Variants in CARD10 observed in about 807,000 individuals in gnomAD.
CARD10 encodes caspase recruitment domain family member 10.
In CARD10, 49 loss-of-function variants were observed where a neutral mutation model predicts 114.6. The observed-to-expected ratio is 0.43, with a 90% CI of 0.34 to 0.54. The LOEUF is 0.54. CARD10 is among the 20% of genes least tolerant of loss of function. CARD10 has a pLI of 0.03. For synonymous variants in CARD10, 602 were observed against 593.2 expected, an observed-to-expected ratio of 1.01 and a Z score of -0.21; for missense variants, 1,206 against 1,397.2, an observed-to-expected ratio of 0.86 and a Z score of 2.18.
In CARD10 at chr22:37,495,861, C is replaced by A. The variant is rs773862910; in HGVS notation, c.2202G>T (p.Leu734=). 1.9e-6 allele frequency: 3 copies of A among 1,614,150 alleles called. No homozygotes were observed. The highest frequency in any genetic ancestry group is 2.2e-5 in the South Asian group (2 of 91,086). Residue 734 remains leucine, a synonymous_variant, in exon 14 of 20, where the codon CTG becomes CTT. Transcript: ENST00000251973. ...GCCTCCGCTTGTATGCCGAGTCCAC[C>A]AGTCGAAGGATCTCTTGGGCTTTCA... ...LCVKAQEILR[L]VDSAYKRRQE...
At position 37,491,375 on chromosome 22, in the gene CARD10, C is replaced by A; in HGVS notation, c.2883G>T (p.Pro961=). The A allele has an allele frequency of 6.7e-7, 1 of 1,502,670 alleles. No homozygotes were observed. Among genetic ancestry groups the A allele is most frequent in the East Asian group, 2.4e-5 (1 of 41,094 alleles). The allele number at this position is 1,502,670 out of a possible 1,614,324, so 93.1% of individuals were successfully genotyped here. The change falls in exon 20 of 20, where the codon CCG becomes CCT. Residue 961 remains proline, a synonymous_variant. Transcript: ENST00000251973. ...VREVRGLLGR[P]GWRDSELLRQ... is the part of the protein sequence containing the mutation. ...GCAGCAGCTCTGAGTCCCGCCAGCC[C>A]GGCCGGCCCAGCAGACCCCTGCCGA... is the stretch of plus-strand genomic sequence containing the variant.
intron 10 of CARD10, among the ~76,000 whole-genome samples, chr22:37,502,948 G>C (rs953751217): frequency 4.6e-5 from 7 of 152,230 alleles, no homozygotes; most frequent in African/African-American, 1.7e-4. Context: ...GAAGAGCCTC[G>C]TACATCACAG....
At chr22:37,491,893 G>A (rs1362472401) in intron 18 of CARD10, 26 bp from the exon 19 acceptor site, 2 of 1,496,892 alleles carry the variant, frequency 1.3e-6, no homozygotes, top group Admixed American at 3.3e-5. Context: ...AGGCTACAAT[G>A]TACTCCTGGG....
chr22:37,495,289 G>C (rs899862301), intron 15 of CARD10, among the ~76,000 whole-genome samples: 1 of 152,168 alleles, frequency 6.6e-6, no homozygotes, highest in Admixed American at 6.5e-5. Context: ...TTATGTACCA[G>C]GGGTACTCCT....
intron 3 of CARD10, among the ~76,000 whole-genome samples, chr22:37,511,421 G>GGGGAGGAGGAA (rs796281103): frequency 0.11 from 13,914 of 126,046 alleles, 1,118 homozygotes; most frequent in African/African-American, 0.18. Context: ...GGGAGGAGGA[G>GGGGAGGAGGAA]GGAGGGGGAA....
At position 37,506,324 on chromosome 22, in the gene CARD10, G is replaced by A. The variant is rs763469820; in HGVS notation, c.1251C>T (p.Asp417=). ...LQYSQSLIEK[D]QYRKQVRGLE... is the part of the protein sequence containing the mutation. The stretch of plus-strand genomic sequence containing the variant: ...GGCCCCGCACCTGCTTGCGGTACTG[G>A]TCCTTCTCGATGAGGCTCTGTGAGT... Residue 417 remains aspartate, a synonymous_variant, in exon 7 of 20, where the codon GAC becomes GAT. Coordinates refer to ENST00000251973, the MANE Select transcript of CARD10 (RefSeq NM_014550.4). 4 of 1,609,254 alleles carry A rather than the reference G, an allele frequency of 2.5e-6. No individual in the cohort carries two copies. The Admixed American group carries it at 6.7e-5, about 27-fold the overall frequency.
At position 37,491,383 on chromosome 22, in the gene CARD10, C is replaced by A; in HGVS notation, c.2875G>T (p.Gly959Cys). 1 of 1,491,382 alleles carries A rather than the reference C, an allele frequency of 6.7e-7. No individual in the cohort carries two copies. Among genetic ancestry groups the A allele is most frequent in the Non-Finnish European group, 8.9e-7 (1 of 1,121,998 alleles). The allele number at this position is 1,491,382 out of a possible 1,614,324, so 92.4% of individuals were successfully genotyped here. The change falls in exon 20 of 20, where the codon GGC becomes TGC. Residue 959 changes from glycine to cysteine, a missense_variant. By Grantham distance (159) the Gly-to-Cys change is radical. Coordinates refer to ENST00000251973, the MANE Select transcript of CARD10 (RefSeq NM_014550.4). ...KNVREVRGLL[G>C]RPGWRDSELL... Reference sequence around the variant, plus strand: ...TCTGAGTCCCGCCAGCCCGGCCGGCCCAGCAGACCCCTGCCGAGAGAAGAG... The same window carrying A: ...TCTGAGTCCCGCCAGCCCGGCCGGCACAGCAGACCCCTGCCGAGAGAAGAG...
At chr22:37,504,370 G>T in intron 8 of CARD10, 69 bp from the exon 9 acceptor site, 12 of 1,196,094 alleles carry the variant, frequency 1.0e-5, no homozygotes, top group Non-Finnish European at 1.4e-5. Flanking sequence ...AGCACACCTG[G>T]TTTGTGCCCA....
intron 4 of CARD10, chr22:37,509,090 C>T (rs993333828): frequency 8.4e-6 from 13 of 1,545,028 alleles, no homozygotes; most frequent in Non-Finnish European, 1.1e-5. Context: ...TGAGCCTGGC[C>T]CATACAGGTA....
chr22:37,491,749 C>T lies in CARD10; in HGVS notation c.2864+6G>A. 7.7e-7 allele frequency: 1 copy of T among 1,297,470 alleles called. No individual in the cohort carries two copies. Among genetic ancestry groups the T allele is most frequent in the Non-Finnish European group, 1.1e-6 (1 of 900,600 alleles). 80.4% of individuals were successfully genotyped at this position (1,297,470 alleles called of 1,614,324 possible). ...CCCTGCCCACTGCCCCACCCACCCA[C>T]CTCACCTGACTTCCCGGACATTCTT... On this transcript the variant is annotated splice_donor_region_variant and intron_variant, in intron 19 of 19. Transcript: ENST00000251973.
At chr22:37,494,520 T>A (rs537744296) in intron 15 of CARD10, 4 of 367,102 alleles carry the variant, frequency 1.1e-5, no homozygotes, top group African/African-American at 6.3e-5. Flanking sequence ...AAATGTCACA[T>A]ACGAGGCAAA....
chr22:37,492,831 T>A lies in CARD10; in HGVS notation c.2477-29A>T. On this transcript the variant is annotated intron_variant, in intron 16 of 19. Transcript: ENST00000251973. This position sits in a 1 kb window ranked among gnomAD's most constrained non-coding sequence, Gnocchi z 5.7. ...TGGCAGGGGAGGGGCGCAAAAGAGA[T>A]AAGGGCACAGGCAGGCAGCATACCA... is the stretch of plus-strand genomic sequence containing the variant. The A allele has an allele frequency of 1.2e-6, 2 of 1,602,068 alleles. No homozygotes were observed. The highest frequency in any genetic ancestry group is 1.7e-6 in the Non-Finnish European group (2 of 1,177,188).
At chr22:37,516,342 T>C in intron 2 of CARD10, 44 bp from the exon 3 acceptor site, 1 of 1,410,192 alleles carries the variant, frequency 7.1e-7, no homozygotes, top group Non-Finnish European at 9.5e-7. Flanking sequence ...CTCAGGCAAG[T>C]AAAATCCAGG....
chr22:37,513,506 T>C (rs1923732056), intron 3 of CARD10, among the ~76,000 whole-genome samples: 1 of 152,054 alleles, frequency 6.6e-6, no homozygotes, highest in Admixed American at 6.6e-5. Flanking sequence ...ACCATCTCTT[T>C]TCCATCCCCC....
intron 3 of CARD10, among the ~76,000 whole-genome samples, chr22:37,511,312 C>T (rs1482111938): frequency 5.3e-5 from 7 of 132,096 alleles, no homozygotes; most frequent in Admixed American, 8.0e-5. Flanking sequence ...GAACCATAAT[C>T]GTGCCACTGC....
rs370585097 is a variant in CARD10 at position 37,497,189 on chromosome 22, A to T, written c.1788-11T>A. On this transcript the variant is annotated splice_polypyrimidine_tract_variant and intron_variant, in intron 11 of 19. Transcript: ENST00000251973. ...CGAATAGCCAGAGACCTGAGAAGGG[A>T]GAAAGGAGATGAGAATTGGAGTCCA... The T allele has an allele frequency of 1.2e-6, 2 of 1,606,594 alleles. No individual in the cohort carries two copies. Among genetic ancestry groups the T allele is most frequent in the Non-Finnish European group, 1.7e-6 (2 of 1,177,276 alleles).
chr22:37,511,643 G>A (rs998538488), intron 3 of CARD10, among the ~76,000 whole-genome samples: 28 of 101,794 alleles, frequency 2.8e-4, no homozygotes, highest in Admixed American at 5.9e-4. Context: ...TCATCTGTAC[G>A]GGGGGGGTGT....
chr22:37,511,081 C>CAA (rs869295765), intron 3 of CARD10, among the ~76,000 whole-genome samples: 7 of 92,050 alleles, frequency 7.6e-5, no homozygotes, highest in Non-Finnish European at 1.4e-4. Context: ...GACTCTGTCT[C>CAA]AAAAAAAAAA....
Position 37,491,748 on chromosome 22 carries a change from A to G in CARD10, c.2864+7T>C. On this transcript the variant is annotated splice_region_variant and intron_variant, in intron 19 of 19. Coordinates refer to ENST00000251973, the MANE Select transcript of CARD10 (RefSeq NM_014550.4). ...GCCCTGCCCACTGCCCCACCCACCCACCTCACCTGACTTCCCGGACATTCT... is the reference window on the plus strand; with the variant it reads ...GCCCTGCCCACTGCCCCACCCACCCGCCTCACCTGACTTCCCGGACATTCT... 1.7e-6 allele frequency: 1 copy of G among 590,970 alleles called. No individual in the cohort carries two copies. Among genetic ancestry groups the G allele is most frequent in the Non-Finnish European group, 3.0e-6 (1 of 328,486 alleles). The allele number at this position is 590,970 out of a possible 1,614,324, so 36.6% of individuals were successfully genotyped here. A position where few individuals can be genotyped will look rare whatever the true frequency, so the allele number is the denominator to read the frequency against.
Sources: allele counts gnomAD v4.1 joint callset (sites outside exome capture counted in the v4.1 genomes callset), GRCh38; gene constraint gnomAD v4.1.1; non-coding constraint Gnocchi (gnomAD v3.1); transcripts MANE v1.5; gene names NCBI Gene and HGNC (gene_info 2026-07-23, HGNC 2026-07-21).